The following GALNT13 variants were observed in gnomAD, a reference collection of about 807,000 sequenced individuals.
The protein encoded by GALNT13 is UDP-GalNAc:polypeptide N-acetylgalactosaminyltransferase 13.
A neutral mutation model predicts 64.2 loss-of-function variants in GALNT13; 28 were observed. The ratio of observed to expected loss-of-function variants is 0.44; its 90% CI spans 0.32 to 0.60. GALNT13 has a LOEUF of 0.60. Among genes scored for constraint, GALNT13 ranks in the 20% least tolerant of loss-of-function variants. The pLI, the probability that GALNT13 is intolerant of heterozygous loss-of-function variation, is 0.05. For missense variants in GALNT13, 577 were observed against 669.8 expected (o/e 0.86, Z 1.53); for synonymous variants, 214 against 224.6 (o/e 0.95, Z 0.42).
At chr2:153,116,682 T>G in the GALNT13 span, among the ~76,000 whole-genome samples, 1 of 152,032 alleles carries the variant, frequency 6.6e-6, no homozygotes, top group South Asian at 2.1e-4. Context: ...TTGATTATTC[T>G]CAAGGAATTC....
chr2:153,372,126 C>G, the GALNT13 span, among the ~76,000 whole-genome samples: 1 of 152,262 alleles, frequency 6.6e-6, no homozygotes, highest in East Asian at 1.9e-4. Context: ...CAGCTGTCAA[C>G]ATTCTATTCA....
the GALNT13 span, among the ~76,000 whole-genome samples, chr2:153,528,608 G>A: frequency 6.6e-6 from 1 of 151,918 alleles, no homozygotes; most frequent in Non-Finnish European, 1.5e-5. Flanking sequence ...TCTAACAACT[G>A]CAGGATACAC....
chr2:153,194,564 T>G, the GALNT13 span, among the ~76,000 whole-genome samples: 1 of 152,248 alleles, frequency 6.6e-6, no homozygotes, highest in South Asian at 2.1e-4. Flanking sequence ...GAATTATTTT[T>G]CAGGCATTTG....
chr2:153,182,619 C>A, the GALNT13 span, among the ~76,000 whole-genome samples: 1 of 152,156 alleles, frequency 6.6e-6, no homozygotes, highest in Non-Finnish European at 1.5e-5. Context: ...CAACCCCTGA[C>A]TGACAGGTCC....
chr2:153,450,661 C>T, the GALNT13 span, among the ~76,000 whole-genome samples: 30 of 151,736 alleles, frequency 2.0e-4, no homozygotes, highest in African/African-American at 6.3e-4. Context: ...TATTATATTC[C>T]GATGAACACA....
the GALNT13 span, among the ~76,000 whole-genome samples, chr2:153,188,024 A>G: frequency 6.6e-6 from 1 of 152,044 alleles, no homozygotes; most frequent in African/African-American, 2.4e-5. Context: ...GATTTTTAAA[A>G]TATCACCAAA....
At chr2:153,279,778 T>A in the GALNT13 span, among the ~76,000 whole-genome samples, 1 of 152,138 alleles carries the variant, frequency 6.6e-6, no homozygotes, top group Non-Finnish European at 1.5e-5. Context: ...CTGTTGAGAA[T>A]TTTTGCGTCT....
At chr2:153,075,294 C>T in the GALNT13 span, among the ~76,000 whole-genome samples, 1 of 152,136 alleles carries the variant, frequency 6.6e-6, no homozygotes, top group Admixed American at 6.5e-5. Context: ...TAGGCTTATT[C>T]AGACTGTTGA....
At chr2:153,282,807 G>A in the GALNT13 span, among the ~76,000 whole-genome samples, 1 of 152,178 alleles carries the variant, frequency 6.6e-6, no homozygotes, top group African/African-American at 2.4e-5. Flanking sequence ...TTTTCATACA[G>A]TAGGGTTTTT....
At chr2:154,121,811 A>C (rs370900629) in intron 3 of GALNT13, among the ~76,000 whole-genome samples, 1 of 151,526 alleles carries the variant, frequency 6.6e-6, no homozygotes, top group Admixed American at 6.6e-5. Context: ...TGACAATTTT[A>C]TTTCTTTCTT....
intron 9 of GALNT13, among the ~76,000 whole-genome samples, chr2:154,318,905 A>AT (rs992661484): frequency 1.8e-4 from 28 of 152,060 alleles, no homozygotes; most frequent in Non-Finnish European, 3.7e-4. Flanking sequence ...ACACATATAT[A>AT]TACAAATATA....
At chr2:153,576,038 A>T in the GALNT13 span, among the ~76,000 whole-genome samples, 1 of 152,104 alleles carries the variant, frequency 6.6e-6, no homozygotes, top group Non-Finnish European at 1.5e-5. Flanking sequence ...TGTGTCTAGG[A>T]ATGCCCTGAA....
the GALNT13 span, among the ~76,000 whole-genome samples, chr2:153,653,874 T>C: frequency 6.6e-6 from 1 of 152,170 alleles, no homozygotes; most frequent in East Asian, 1.9e-4. Flanking sequence ...AATGTTAGAA[T>C]AGAAAAATTA....
At chr2:153,817,469 C>T in the GALNT13 span, among the ~76,000 whole-genome samples, 1 of 152,182 alleles carries the variant, frequency 6.6e-6, no homozygotes, top group Non-Finnish European at 1.5e-5. Flanking sequence ...TCTTATCACC[C>T]TGACCTGTCT....
chr2:153,348,459 A>C, the GALNT13 span, among the ~76,000 whole-genome samples: 2 of 152,162 alleles, frequency 1.3e-5, no homozygotes, highest in Admixed American at 1.3e-4. Context: ...CCCAGAAATT[A>C]ATTTGTATTC....
chr2:153,522,020 G>A, the GALNT13 span, among the ~76,000 whole-genome samples: 2 of 151,924 alleles, frequency 1.3e-5, no homozygotes, highest in African/African-American at 2.4e-5. Context: ...GCATTTTTTT[G>A]TATGAATATA....
chr2:154,284,542 CACACACACAT>C (rs1692150168), intron 8 of GALNT13, among the ~76,000 whole-genome samples: 1 of 151,904 alleles, frequency 6.6e-6, no homozygotes, highest in Non-Finnish European at 1.5e-5. Context: ...CACACACACA[CACACACACAT>C]ATATATGTAT....
At chr2:153,648,365 G>A in the GALNT13 span, among the ~76,000 whole-genome samples, 6 of 152,144 alleles carry the variant, frequency 3.9e-5, no homozygotes, top group African/African-American at 1.4e-4. Context: ...GGAGATTTGG[G>A]CTGAGACGAT....
intron 9 of GALNT13, among the ~76,000 whole-genome samples, chr2:154,358,468 A>G (rs1385731596): frequency 6.6e-6 from 1 of 152,104 alleles, no homozygotes; most frequent in Non-Finnish European, 1.5e-5. Flanking sequence ...TCACTTTCAT[A>G]TAAAATTTTA....
Sources: gnomAD v4.1 joint callset for allele counts (sites outside exome capture counted in the v4.1 genomes callset) on GRCh38, gnomAD v4.1.1 for gene constraint, MANE v1.5 for transcripts, NCBI Gene and HGNC (gene_info 2026-07-23, HGNC 2026-07-21) for gene names.